The following MYO18A variants were observed in gnomAD, a reference collection of about 807,000 sequenced individuals.
MYO18A encodes myosin XVIIIA, also known as unconventional myosin-XVIIIa.
Under a neutral mutation model 235.8 loss-of-function variants are expected in MYO18A, and 78 were observed. The observed-to-expected ratio is 0.33, with a 90% confidence interval of 0.28 to 0.40. The LOEUF (loss-of-function observed/expected upper bound fraction) is 0.40, where lower values mean the gene tolerates loss of function less well. Ranked by LOEUF, MYO18A falls within the 10% of genes least tolerant of loss-of-function variation. The probability of loss-of-function intolerance (pLI) is 1.00; values close to 1 mark genes in which losing one functional copy is unlikely to be tolerated. For synonymous variants in MYO18A, 977 were observed against 1,077.8 expected (o/e 0.91, Z 1.83); for missense variants, 2,215 against 2,699.3 (o/e 0.82, Z 3.98).
chr17:29,095,852 G>A (rs552723521), intron 28 of MYO18A, among the ~76,000 whole-genome samples: 1 of 152,320 alleles, frequency 6.6e-6, no homozygotes, highest in Non-Finnish European at 1.5e-5. Flanking sequence ...GAGCAGGGCA[G>A]CACAGTAACT....
chr17:29,081,013 G>C, intron 41 of MYO18A: 1 of 985,400 alleles, frequency 1.0e-6, no homozygotes, highest in Non-Finnish European at 1.2e-6. Flanking sequence ...GTTGAGGGCC[G>C]TTCCGAGGGA....
chr17:29,110,152 G>A (rs662954), intron 18 of MYO18A, 51 bp from the exon 19 acceptor site: 1 of 1,581,350 alleles, frequency 6.3e-7, no homozygotes, highest in East Asian at 2.2e-5. Context: ...CCTGTGCTCA[G>A]AAGAGCAGGG....
intron 40 of MYO18A, among the ~76,000 whole-genome samples, chr17:29,083,650 C>T (rs1407939267): frequency 6.6e-6 from 1 of 151,986 alleles, no homozygotes; most frequent in African/African-American, 2.4e-5. Context: ...CCATCAAATA[C>T]AGAATTATAA....
At chr17:29,134,519 C>G (rs1048996273) in intron 2 of MYO18A, among the ~76,000 whole-genome samples, 1 of 151,962 alleles carries the variant, frequency 6.6e-6, no homozygotes, top group Non-Finnish European at 1.5e-5. Flanking sequence ...CACTCAAACT[C>G]TATTTATTTA....
rs757242453 is a variant in MYO18A, at chr17:29,092,879, T to C, written c.5049A>G (p.Arg1683=). 66 of 1,613,754 alleles carry C rather than the reference T, an allele frequency of 4.1e-5. No homozygotes were observed. Among genetic ancestry groups the C allele is most frequent in the South Asian group, 2.2e-4 (20 of 91,080 alleles). Residue 1683 remains arginine (R), a synonymous_variant, in exon 33 of 42, where the codon CGA becomes CGG. Transcript: ENST00000527372. ...CCTGGTTCTTGAGCTGGGCAATCTC[T>C]CGCTTGCTGGGAGCACTGTTCTTCA... The part of the protein sequence containing the change: ...DHLKNSAPSK[R]EIAQLKNQLE...
intron 15 of MYO18A, among the ~76,000 whole-genome samples, chr17:29,112,218 T>G (rs911084665): frequency 6.6e-6 from 1 of 152,120 alleles, no homozygotes; most frequent in East Asian, 1.9e-4. Context: ...GAACCCCACA[T>G]TGCTCTCACT....
rs768435148 is a variant in MYO18A, at chr17:29,099,711, G to A, written c.3559C>T (p.Gln1187Ter). ...LARLEEQRDEQTSRNLTLFQA... is the reference protein window; with the variant it reads ...LARLEEQRDE Reference sequence around the variant, plus strand: ...AACAGGGTTAGGTTCCTGCTGGTTTGTTCATCCCGCTGCTCCTCCAGCCGT... The same window carrying A: ...AACAGGGTTAGGTTCCTGCTGGTTTATTCATCCCGCTGCTCCTCCAGCCGT... The change falls in exon 22 of 42, where the codon CAA becomes TAA. Residue 1187 changes from glutamine to a stop codon, truncating the protein, a stop_gained. Transcript: ENST00000527372. LOFTEE classifies it high-confidence loss of function. The A allele has an allele frequency of 6.2e-7, 1 of 1,613,636 alleles. No homozygotes were observed. The highest frequency in any genetic ancestry group is 8.5e-7 in the Non-Finnish European group (1 of 1,179,860).
chr17:29,129,660 G>T (rs1262371084), intron 2 of MYO18A, among the ~76,000 whole-genome samples: 1 of 152,246 alleles, frequency 6.6e-6, no homozygotes, highest in East Asian at 1.9e-4. Flanking sequence ...TGGGCACTGG[G>T]CTCCGTGAAG....
intron 41 of MYO18A, chr17:29,078,670 A>C (rs2066043657): frequency 6.6e-6 from 1 of 152,268 alleles, no homozygotes; most frequent in African/African-American, 2.4e-5. Context: ...GCTTCACATA[A>C]GCAGGGTGAT....
chr17:29,095,063 C>T lies in MYO18A; in HGVS notation c.4386-4G>A, dbSNP rs370572189. The T allele has an allele frequency of 5.9e-6, 9 of 1,529,648 alleles. No homozygotes were observed. The highest frequency in any genetic ancestry group is 7.9e-6 in the Non-Finnish European group (9 of 1,134,976). The allele number at this position is 1,529,648 out of a possible 1,614,324, so 94.8% of individuals were successfully genotyped here. A position where few individuals can be genotyped will look rare whatever the true frequency, so the allele number is the denominator to read the frequency against. On this transcript the variant is annotated splice_region_variant and splice_polypyrimidine_tract_variant and intron_variant, in intron 28 of 41. Coordinates refer to ENST00000527372, the MANE Select transcript of MYO18A (RefSeq NM_078471.4). ...CTGCGAGAGCTCACTGTCAAACCTG[C>T]GAGGGAGTGTGGCGGCTCCATCAGA...
intron 41 of MYO18A, chr17:29,077,069 T>C (rs1212301925): frequency 6.6e-6 from 1 of 152,286 alleles, no homozygotes; most frequent in African/African-American, 2.4e-5. Flanking sequence ...CGTGTTTCCA[T>C]ACTGTTTCAT....
At chr17:29,116,613 G>GCACACACACACACACACACA (rs144361514) in intron 10 of MYO18A, among the ~76,000 whole-genome samples, 158 bp from the exon 11 acceptor site, 3,913 of 144,856 alleles carry the variant, frequency 0.027, 129 homozygotes, top group African/African-American at 0.071. Flanking sequence ...TGGGACAAAC[G>GCACACACACACACACACACA]CACACACACA....
intron 37 of MYO18A, among the ~76,000 whole-genome samples, chr17:29,089,243 CA>C (rs2152748223): frequency 6.6e-6 from 1 of 150,710 alleles, no homozygotes; most frequent in Admixed American, 6.6e-5. Flanking sequence ...CCATCCTGGC[CA>C]ACATGGTGAA....
intron 40 of MYO18A, 106 bp downstream of exon 40, chr17:29,085,498 G>T: frequency 1.0e-6 from 1 of 953,478 alleles, no homozygotes; most frequent in Non-Finnish European, 1.7e-6. Context: ...GTGTGGGGAG[G>T]CTGTATCCAC....
chr17:29,077,235 C>G (rs1048667589), intron 41 of MYO18A: 3 of 152,260 alleles, frequency 2.0e-5, no homozygotes, highest in African/African-American at 7.2e-5. Flanking sequence ...ATCAGGGAGT[C>G]AACAGCAGGC....
At chr17:29,164,329 C>A (rs2068236435) in intron 2 of MYO18A, among the ~76,000 whole-genome samples, 1 of 152,192 alleles carries the variant, frequency 6.6e-6, no homozygotes, top group Non-Finnish European at 1.5e-5. Flanking sequence ...CCAGGTCTTC[C>A]ACACAGGCCT....
At chr17:29,148,779 AGAG>A (rs2067903561) in intron 2 of MYO18A, among the ~76,000 whole-genome samples, 1 of 152,164 alleles carries the variant, frequency 6.6e-6, no homozygotes, top group African/African-American at 2.4e-5. Flanking sequence ...ATGGTCTCAG[AGAG>A]GAGAAGGAGG....
At chr17:29,132,265 T>G (rs2067491039) in intron 2 of MYO18A, among the ~76,000 whole-genome samples, 1 of 152,180 alleles carries the variant, frequency 6.6e-6, no homozygotes, top group Non-Finnish European at 1.5e-5. Context: ...GGGCAGATGA[T>G]GTGGAAGCTC....
intron 41 of MYO18A, chr17:29,078,154 C>T (rs1410896530): frequency 2.6e-5 from 4 of 152,222 alleles, no homozygotes; most frequent in African/African-American, 9.7e-5. Flanking sequence ...GTAGCTGGGA[C>T]TATAGGCATG....
Sources: gnomAD v4.1 joint callset for allele counts (sites outside exome capture counted in the v4.1 genomes callset) on GRCh38, gnomAD v4.1.1 for gene constraint, MANE v1.5 for transcripts, NCBI Gene and HGNC (gene_info 2026-07-23, HGNC 2026-07-21) for gene names.